Variants in CSTPP1 observed in about 807,000 individuals in gnomAD.
The protein encoded by CSTPP1 is UPF0705 protein C11orf49.
chr11:47,158,866 C>A, the CSTPP1 span, among the ~76,000 whole-genome samples: 1 of 152,132 alleles, frequency 6.6e-6, no homozygotes, highest in Non-Finnish European at 1.5e-5. Flanking sequence ...GAGAGATCCT[C>A]CTGCTGTGCT....
chr11:47,108,178 C>T, the CSTPP1 span, among the ~76,000 whole-genome samples: 1 of 152,218 alleles, frequency 6.6e-6, no homozygotes, highest in South Asian at 2.1e-4. Context: ...ATTACCACAA[C>T]TAGAGGCCAG....
At chr11:47,038,317 C>T in the CSTPP1 span, among the ~76,000 whole-genome samples, 2 of 103,726 alleles carry the variant, frequency 1.9e-5, 1 homozygote, top group East Asian at 5.7e-4. Context: ...GGGCGGCTGG[C>T]CGGGCGGGGG....
the CSTPP1 span, among the ~76,000 whole-genome samples, chr11:47,116,702 CG>C: frequency 3.2e-4 from 28 of 88,182 alleles, 1 homozygote; most frequent in Non-Finnish European, 5.4e-4. Context: ...TTTTTTGAGA[CG>C]GAGTCTTGCT....
the CSTPP1 span, chr11:47,157,792 T>A: frequency 5.7e-5 from 92 of 1,607,892 alleles, no homozygotes; most frequent in Non-Finnish European, 7.8e-5. Context: ...AGGCTCTGAA[T>A]GTGGCATCTC....
At chr11:47,086,233 C>A in the CSTPP1 span, among the ~76,000 whole-genome samples, 92,026 of 103,284 alleles carry the variant, frequency 0.89, 40,508 homozygotes, top group Middle Eastern at 0.94. Context: ...TACTAAAAAT[C>A]CAAAAAAAAA....
the CSTPP1 span, among the ~76,000 whole-genome samples, chr11:46,951,782 T>A: frequency 2.0e-5 from 3 of 152,282 alleles, no homozygotes; most frequent in African/African-American, 7.2e-5. Context: ...TAGATAGCAG[T>A]TAGTGAAGCT....
chr11:47,151,229 T>C, the CSTPP1 span, among the ~76,000 whole-genome samples: 20 of 152,230 alleles, frequency 1.3e-4, no homozygotes, highest in African/African-American at 4.3e-4. Context: ...CTGGCCAACA[T>C]GGTGAAACCC....
the CSTPP1 span, among the ~76,000 whole-genome samples, chr11:47,038,477 G>A: frequency 4.9e-5 from 5 of 102,890 alleles, no homozygotes; most frequent in Admixed American, 9.9e-5. Flanking sequence ...CCTCCCTCCC[G>A]GACGGGGCGG....
chr11:47,045,049 T>C, the CSTPP1 span, among the ~76,000 whole-genome samples: 1 of 152,192 alleles, frequency 6.6e-6, no homozygotes, highest in East Asian at 1.9e-4. Context: ...AGAAAATTGT[T>C]TATATGAATT....
At chr11:46,976,418 C>CAGT in the CSTPP1 span, among the ~76,000 whole-genome samples, 3 of 150,320 alleles carry the variant, frequency 2.0e-5, no homozygotes, top group East Asian at 1.9e-4. Context: ...CACACACACA[C>CAGT]ACACAGTACA....
At chr11:46,998,280 C>T in the CSTPP1 span, among the ~76,000 whole-genome samples, 174 of 152,290 alleles carry the variant, frequency 1.1e-3, 2 homozygotes, top group Non-Finnish European at 1.2e-4. Flanking sequence ...GTGAATTCCA[C>T]TTGTTCTGTG....
chr11:47,132,931 A>G, the CSTPP1 span, among the ~76,000 whole-genome samples: 1 of 152,276 alleles, frequency 6.6e-6, no homozygotes, highest in African/African-American at 2.4e-5. Context: ...TAGTTTCTTT[A>G]TTTCTAAAAT....
the CSTPP1 span, among the ~76,000 whole-genome samples, chr11:47,159,424 C>T: frequency 6.6e-6 from 1 of 151,934 alleles, no homozygotes; most frequent in African/African-American, 2.4e-5. Context: ...GCATGAGAAT[C>T]GGTTGAGCCC....
At chr11:47,026,437 GT>G in the CSTPP1 span, among the ~76,000 whole-genome samples, 23 of 152,024 alleles carry the variant, frequency 1.5e-4, no homozygotes, top group Non-Finnish European at 3.4e-4. Flanking sequence ...GGTAATTGTT[GT>G]TATTTTTTTT....
At chr11:47,067,089 C>CA in the CSTPP1 span, among the ~76,000 whole-genome samples, 1 of 151,986 alleles carries the variant, frequency 6.6e-6, no homozygotes, top group Admixed American at 6.6e-5. Context: ...AAAAGTGTGC[C>CA]AAAAAATTGA....
the CSTPP1 span, among the ~76,000 whole-genome samples, chr11:47,022,843 T>C: frequency 1.3e-5 from 2 of 152,348 alleles, no homozygotes; most frequent in Admixed American, 6.5e-5. Flanking sequence ...CAGAATGCAT[T>C]ATTAACACAT....
chr11:47,118,538 T>TTAAA, the CSTPP1 span, among the ~76,000 whole-genome samples: 1 of 152,302 alleles, frequency 6.6e-6, no homozygotes, highest in African/African-American at 2.4e-5. Flanking sequence ...GGTGCTCTGA[T>TTAAA]TTTTAGAATT....
chr11:47,111,766 G>T, the CSTPP1 span, among the ~76,000 whole-genome samples: 1 of 152,156 alleles, frequency 6.6e-6, no homozygotes, highest in African/African-American at 2.4e-5. Context: ...TGGTGCTACA[G>T]TTCCTGTAGC....
At chr11:47,138,462 TG>T in the CSTPP1 span, among the ~76,000 whole-genome samples, 1 of 152,124 alleles carries the variant, frequency 6.6e-6, no homozygotes, top group Admixed American at 6.5e-5. Context: ...GAGTTGAGGT[TG>T]GGGACTGGAA....
Sources: allele counts gnomAD v4.1 joint callset (sites outside exome capture counted in the v4.1 genomes callset), GRCh38; gene constraint gnomAD v4.1.1; transcripts MANE v1.5; gene names NCBI Gene and HGNC (gene_info 2026-07-23, HGNC 2026-07-21).